RAP1GDS1: variants seen among roughly 807,000 people sequenced by gnomAD.
RAP1GDS1 encodes RAP1, GTP-GDP dissociation stimulator 1.
RAP1GDS1 carries 35 observed loss-of-function variants against 71.1 expected under a neutral mutation model. The ratio of observed to expected loss-of-function variants is 0.49; its 90% CI spans 0.38 to 0.65. RAP1GDS1 has a LOEUF of 0.65. Ranked by LOEUF, RAP1GDS1 falls within the 30% of genes least tolerant of loss-of-function variation. The probability of loss-of-function intolerance (pLI) is 0.00; values close to 1 mark genes in which losing one functional copy is unlikely to be tolerated. For synonymous variants in RAP1GDS1, 229 were observed against 243.1 expected, an observed-to-expected ratio of 0.94 and a Z score of 0.54; for missense variants, 663 against 706.1, an observed-to-expected ratio of 0.94 and a Z score of 0.69.
intron 1 of RAP1GDS1, among the ~76,000 whole-genome samples, chr4:98,271,663 A>T (rs1403894232): frequency 6.6e-6 from 1 of 152,144 alleles, no homozygotes; most frequent in Non-Finnish European, 1.5e-5. Flanking sequence ...CCTCATAAAA[A>T]TCCTGAAAAT....
intron 4 of RAP1GDS1, among the ~76,000 whole-genome samples, chr4:98,356,646 A>G (rs1578567723): frequency 1.3e-5 from 2 of 152,232 alleles, no homozygotes; most frequent in South Asian, 2.1e-4. Flanking sequence ...AATTAAACAA[A>G]TATACCTCTT....
At chr4:98,347,912 G>A (rs756464692) in intron 3 of RAP1GDS1, among the ~76,000 whole-genome samples, 3 of 152,142 alleles carry the variant, frequency 2.0e-5, no homozygotes, top group Admixed American at 6.5e-5. Flanking sequence ...AAGGACGACT[G>A]TCAGCCATTC....
At chr4:98,304,063 A>G (rs1578368526) in intron 2 of RAP1GDS1, among the ~76,000 whole-genome samples, 1 of 152,160 alleles carries the variant, frequency 6.6e-6, no homozygotes, top group African/African-American at 2.4e-5. Context: ...ATAGTATTCC[A>G]TGGTGTATAT....
intron 1 of RAP1GDS1, among the ~76,000 whole-genome samples, chr4:98,288,284 T>C (rs1726344303): frequency 1.3e-5 from 2 of 152,174 alleles, no homozygotes; most frequent in African/African-American, 4.8e-5. Flanking sequence ...ATGCGGTGTT[T>C]GGTTTTTTGT....
intron 3 of RAP1GDS1, among the ~76,000 whole-genome samples, chr4:98,343,994 T>A (rs1372486439): frequency 1.3e-5 from 2 of 152,220 alleles, no homozygotes; most frequent in African/African-American, 4.8e-5. Context: ...TTTATTGTAG[T>A]ATGTTTCATA....
intron 4 of RAP1GDS1, among the ~76,000 whole-genome samples, chr4:98,355,840 T>C (rs1737886319): frequency 6.6e-6 from 1 of 152,142 alleles, no homozygotes; most frequent in African/African-American, 2.4e-5. Flanking sequence ...GGCATACCGC[T>C]AAATGGGACG....
At chr4:98,291,184 T>C (rs1726857595) in intron 1 of RAP1GDS1, among the ~76,000 whole-genome samples, 1 of 152,138 alleles carries the variant, frequency 6.6e-6, no homozygotes, top group African/African-American at 2.4e-5. Flanking sequence ...TAAGGAGCGA[T>C]TGAGTGGGTA....
chr4:98,307,452 A>G (rs1729492871), intron 2 of RAP1GDS1, among the ~76,000 whole-genome samples: 1 of 152,128 alleles, frequency 6.6e-6, no homozygotes, highest in South Asian at 2.1e-4. Flanking sequence ...AATAAGTCAT[A>G]AATTAATTTG....
chr4:98,328,555 T>G (rs1733480719), intron 2 of RAP1GDS1, among the ~76,000 whole-genome samples: 1 of 152,192 alleles, frequency 6.6e-6, no homozygotes, highest in South Asian at 2.1e-4. Flanking sequence ...TAGGAAAATT[T>G]AGGATTCGTT....
chr4:98,315,936 T>A (rs1290371875), intron 2 of RAP1GDS1, among the ~76,000 whole-genome samples: 1 of 151,938 alleles, frequency 6.6e-6, no homozygotes, highest in Non-Finnish European at 1.5e-5. Context: ...ATCTTTAGAG[T>A]TCCAGGGCCT....
At chr4:98,395,622 A>C (rs1463049792) in intron 6 of RAP1GDS1, among the ~76,000 whole-genome samples, 2 of 152,208 alleles carry the variant, frequency 1.3e-5, no homozygotes, top group African/African-American at 2.4e-5. Flanking sequence ...AGAAATAAGC[A>C]GAAGTATTTG....
At chr4:98,394,166 G>A (rs1744166477) in intron 6 of RAP1GDS1, among the ~76,000 whole-genome samples, 1 of 152,150 alleles carries the variant, frequency 6.6e-6, no homozygotes, top group South Asian at 2.1e-4. Context: ...TTATATAATT[G>A]TAGTTGTTTG....
At chr4:98,332,829 T>G (rs1734188628) in intron 2 of RAP1GDS1, among the ~76,000 whole-genome samples, 2 of 152,178 alleles carry the variant, frequency 1.3e-5, no homozygotes, top group Non-Finnish European at 2.9e-5. Context: ...ATCAGTGTAT[T>G]TTTAGTATCA....
At chr4:98,286,976 G>C (rs1345978347) in intron 1 of RAP1GDS1, among the ~76,000 whole-genome samples, 2 of 149,988 alleles carry the variant, frequency 1.3e-5, no homozygotes, top group African/African-American at 4.9e-5. Context: ...AGATGACTTA[G>C]AGTGAAATAA....
chr4:98,388,424 T>G (rs902404393), intron 5 of RAP1GDS1, among the ~76,000 whole-genome samples: 6 of 152,134 alleles, frequency 3.9e-5, no homozygotes, highest in Admixed American at 6.6e-5. Flanking sequence ...TCCCAATCTC[T>G]TATAAAAATG....
chr4:98,363,110 T>A (rs992230598), intron 4 of RAP1GDS1, among the ~76,000 whole-genome samples: 1 of 152,024 alleles, frequency 6.6e-6, no homozygotes, highest in Non-Finnish European at 1.5e-5. Context: ...TGAAGAAAGT[T>A]CTCTCTGTGG....
intron 2 of RAP1GDS1, among the ~76,000 whole-genome samples, chr4:98,327,966 A>G (rs1733390085): frequency 6.6e-6 from 1 of 152,240 alleles, no homozygotes; most frequent in Admixed American, 6.5e-5. Context: ...AAAGTTTAAG[A>G]AAGGAAAATA....
chr4:98,354,283 C>T (rs1189190697), intron 4 of RAP1GDS1, among the ~76,000 whole-genome samples: 115 of 151,650 alleles, frequency 7.6e-4, no homozygotes, highest in Non-Finnish European at 5.3e-4. Flanking sequence ...AGGATGGTCT[C>T]GATCTCCTGA....
At chr4:98,384,269 GA>G (rs1309298317) in intron 5 of RAP1GDS1, among the ~76,000 whole-genome samples, 3 of 151,554 alleles carry the variant, frequency 2.0e-5, no homozygotes, top group Non-Finnish European at 4.4e-5. Flanking sequence ...TTACTCCAGT[GA>G]GTTAAATGAA....
Sources: allele counts gnomAD v4.1 joint callset (sites outside exome capture counted in the v4.1 genomes callset), GRCh38; gene constraint gnomAD v4.1.1; transcripts MANE v1.5; gene names NCBI Gene and HGNC (gene_info 2026-07-23, HGNC 2026-07-21).